Variants in CD46 observed in about 807,000 individuals in gnomAD.
The protein encoded by CD46 is CD46 molecule, also known as membrane cofactor protein.
CD46 carries 30 observed loss-of-function variants against 53.3 expected under a neutral mutation model. The observed-to-expected ratio is 0.56, with a 90% CI of 0.42 to 0.76. The LOEUF is 0.76. Ranked by LOEUF, CD46 falls within the 30% of genes least tolerant of loss-of-function variation. The pLI is 0.00. For synonymous variants in CD46, 142 were observed against 152.0 expected (o/e 0.93, Z 0.48); for missense variants, 409 against 463.0 (o/e 0.88, Z 1.07).
intron 12 of CD46, among the ~76,000 whole-genome samples, chr1:207,792,812 G>A (rs752108529): frequency 2.8e-4 from 43 of 152,322 alleles, no homozygotes; most frequent in African/African-American, 4.3e-4. Flanking sequence ...TATGCTGCAA[G>A]TGTCAAACAC....
chr1:207,770,846 A>T (rs968684890), intron 8 of CD46, among the ~76,000 whole-genome samples: 8 of 152,214 alleles, frequency 5.3e-5, no homozygotes, highest in Non-Finnish European at 7.3e-5. Context: ...TATTGTGAAT[A>T]GTGCCACAAT....
At chr1:207,765,827 A>G (rs1443237620) in intron 5 of CD46, among the ~76,000 whole-genome samples, 1 of 152,178 alleles carries the variant, frequency 6.6e-6, no homozygotes, top group South Asian at 2.1e-4. Context: ...AACTGAAAAC[A>G]TTTTCACACA....
intron 8 of CD46, among the ~76,000 whole-genome samples, chr1:207,780,173 C>T (rs1658595185): frequency 6.6e-6 from 1 of 151,892 alleles, no homozygotes; most frequent in African/African-American, 2.4e-5. Flanking sequence ...ACTCTCCATT[C>T]CTCCCTATCC....
At chr1:207,765,528 C>T (rs1418903764) in intron 5 of CD46, among the ~76,000 whole-genome samples, 3 of 152,108 alleles carry the variant, frequency 2.0e-5, no homozygotes, top group African/African-American at 7.2e-5. Context: ...TTGGAGATCC[C>T]ACCCAGTACA....
intron 8 of CD46, among the ~76,000 whole-genome samples, chr1:207,774,709 C>T (rs1168264132): frequency 1.3e-5 from 2 of 152,166 alleles, no homozygotes. Flanking sequence ...TGAATATTGG[C>T]CCCCATTCTT....
intron 8 of CD46, among the ~76,000 whole-genome samples, chr1:207,780,901 A>G (rs1658672204): frequency 6.6e-6 from 1 of 151,960 alleles, no homozygotes; most frequent in East Asian, 1.9e-4. Flanking sequence ...TTGTCATAAT[A>G]TGATGGAAGG....
At chr1:207,776,682 G>A (rs924938709) in intron 8 of CD46, among the ~76,000 whole-genome samples, 6 of 151,702 alleles carry the variant, frequency 4.0e-5, no homozygotes, top group African/African-American at 9.7e-5. Context: ...AGGCTGGAGT[G>A]CAGTGGTGCA....
intron 5 of CD46, 49 bp downstream of exon 5, chr1:207,761,495 AT>A (rs1656209826): frequency 3.4e-6 from 5 of 1,462,628 alleles, no homozygotes; most frequent in Non-Finnish European, 2.9e-6. Flanking sequence ...CTATGGAAAC[AT>A]TTTGTAAATA....
Position 207,793,830 on chromosome 1 carries a change from A to G in CD46, c.*353A>G. ...GATTTATTGGACCAGTCAGCACAGCATGCCTGGTTGTATTAAAGCAGGGAT... is the reference window on the plus strand; with the variant it reads ...GATTTATTGGACCAGTCAGCACAGCGTGCCTGGTTGTATTAAAGCAGGGAT... On this transcript the variant is annotated 3_prime_UTR_variant, in exon 13 of 13. Coordinates refer to ENST00000367042, the MANE Select transcript of CD46 (RefSeq NM_172351.3). 1 of 529,004 alleles carries G rather than the reference A, an allele frequency of 1.9e-6. No homozygotes were observed. 32.8% of individuals were successfully genotyped at this position (529,004 alleles called of 1,614,324 possible).
rs183542561 is a variant in CD46 at position 207,771,170 on chromosome 1, A to G, written c.943+808A>G. Among the ~76,000 whole-genome samples, 783 of 152,156 alleles carry G rather than the reference A, an allele frequency of 5.1e-3. 15 individuals are homozygous for G. The highest frequency in any genetic ancestry group is 0.018 in the African/African-American group (747 of 41,506). Reference sequence around the variant, plus strand: ...GACCAGTGATGATGAGCATTTTTTCATATGTCTGTTGGCTGTATAAATGTC... The same window carrying G: ...GACCAGTGATGATGAGCATTTTTTCGTATGTCTGTTGGCTGTATAAATGTC... On this transcript the variant is annotated intron_variant, in intron 8 of 12. Coordinates refer to ENST00000367042, the MANE Select transcript of CD46 (RefSeq NM_172351.3).
At chr1:207,769,845 C>T (rs1388679249) in intron 7 of CD46, 1 of 165,686 alleles carries the variant, frequency 6.0e-6, no homozygotes, top group East Asian at 1.8e-4. Context: ...TCACTGCAAC[C>T]TCCGCCTCCC....
intron 11 of CD46, among the ~76,000 whole-genome samples, chr1:207,787,250 G>C (rs1433742642): frequency 6.6e-6 from 1 of 152,040 alleles, no homozygotes; most frequent in East Asian, 1.9e-4. Context: ...TGTTGTACCT[G>C]TACTAGAGAT....
At chr1:207,763,834 C>T (rs1382859001) in intron 5 of CD46, among the ~76,000 whole-genome samples, 2 of 132,872 alleles carry the variant, frequency 1.5e-5, no homozygotes, top group Non-Finnish European at 3.1e-5. Context: ...ACAGCGTTAA[C>T]GTATGATTTT....
rs1156540083 is a variant in CD46 at position 207,757,118 on chromosome 1, T to C, written c.202T>C (p.Tyr68His). 6.2e-7 allele frequency: 1 copy of C among 1,613,816 alleles called. No homozygotes were observed. The highest frequency in any genetic ancestry group is 1.3e-5 in the African/African-American group (1 of 74,936). The change falls in exon 2 of 13, where the codon TAC becomes CAC. Residue 68 changes from tyrosine to histidine, a missense_variant. Tyr to His is a moderately conservative substitution (Grantham distance 83, BLOSUM62 2). Coordinates refer to ENST00000367042, the MANE Select transcript of CD46 (RefSeq NM_172351.3). ...ERVDYKCKKG[Y>H]FYIPPLATHT... ...AGTAGATTATAAGTGTAAAAAAGGA[T>C]ACTTCTATATACCTCCTCTTGCCAC...
At chr1:207,759,885 G>GT (rs1655990294) in intron 4 of CD46, 161 bp downstream of exon 4, 1 of 571,566 alleles carries the variant, frequency 1.7e-6, no homozygotes. Flanking sequence ...AAACGGAGAG[G>GT]TTTTTAAATA....
chr1:207,785,695 A>T lies in CD46; in HGVS notation c.1082+13A>T, dbSNP rs1175018634. The T allele has an allele frequency of 5.7e-6, 9 of 1,579,234 alleles. No homozygotes were observed. In the South Asian group the frequency reaches 1.0e-4, roughly 17 times the overall value. On this transcript the variant is annotated intron_variant, in intron 11 of 12. Transcript: ENST00000367042. The stretch of plus-strand genomic sequence containing the variant: ...GGAAGAAGAAAGGGTAAATTAAAGC[A>T]TGTTTCTTTTAACTTCTTGGTCCTT...
chr1:207,767,141 A>G lies in CD46; in HGVS notation c.802A>G (p.Ile268Val), dbSNP rs779117047. 8.7e-6 allele frequency: 14 copies of G among 1,613,828 alleles called. No homozygotes were observed. The highest frequency in any genetic ancestry group is 6.7e-5 in the East Asian group (3 of 44,878). Residue 268 changes from isoleucine (I) to valine (V), a missense_variant, in exon 6 of 13, where the codon ATT (isoleucine) becomes GTT (valine). Ile to Val is a conservative substitution (Grantham distance 29). Coordinates refer to ENST00000367042, the MANE Select transcript of CD46 (RefSeq NM_172351.3). ...KGFYLDGSDT[I>V]VCDSNSTWDP... is the part of the protein sequence containing the mutation. ...TTTTTACCTCGATGGCAGCGACACA[A>G]TTGTCTGTGACAGTAACAGTACTTG...
Position 207,789,812 on chromosome 1 carries a change from T to C in CD46, c.1083-441T>C, listed in dbSNP as rs1238799795. Among the ~76,000 whole-genome samples, 8 of 132,994 alleles carry C rather than the reference T, an allele frequency of 6.0e-5. No homozygotes were observed. In the East Asian group the frequency reaches 1.3e-3, roughly 22 times the overall value. The allele number at this position is 132,994 out of a possible 152,430, so 87.2% of individuals were successfully genotyped here. A position where few individuals can be genotyped will look rare whatever the true frequency, so the allele number is the denominator to read the frequency against. ...ACTTTGTGAGGCCGAGGCAGGCCGA[T>C]GGCTTGAGCTCAGGAGTTTGAGATC... On this transcript the variant is annotated intron_variant, in intron 11 of 12. Transcript: ENST00000367042.
Position 207,794,520 on chromosome 1 carries a change from T to G in CD46, c.*1043T>G, listed in dbSNP as rs1660078867. ...GTAGGTGGTTTTGAAGAGAATAAATTCATCAGATAACCTCAAGTCACATGA... is the reference window on the plus strand; with the variant it reads ...GTAGGTGGTTTTGAAGAGAATAAATGCATCAGATAACCTCAAGTCACATGA... On this transcript the variant is annotated 3_prime_UTR_variant, in exon 13 of 13. Transcript: ENST00000367042. The G allele has an allele frequency of 6.6e-6, 1 of 152,216 alleles. No homozygotes were observed. Among genetic ancestry groups the G allele is most frequent in the African/African-American group, 2.4e-5 (1 of 41,462 alleles). The allele number at this position is 152,216 out of a possible 1,614,324, so 9.4% of individuals were successfully genotyped here. A position where few individuals can be genotyped will look rare whatever the true frequency, so the allele number is the denominator to read the frequency against.
Sources: allele counts gnomAD v4.1 joint callset (sites outside exome capture counted in the v4.1 genomes callset), GRCh38; gene constraint gnomAD v4.1.1; transcripts MANE v1.5; gene names NCBI Gene and HGNC (gene_info 2026-07-23, HGNC 2026-07-21).